NELL2: variants seen among roughly 807,000 people sequenced by gnomAD.
The protein encoded by NELL2 is protein kinase C-binding protein NELL2.
NELL2 carries 41 observed loss-of-function variants against 109.6 expected under a neutral mutation model. That is an observed-to-expected ratio of 0.37 (90% CI 0.29 to 0.49). The LOEUF (loss-of-function observed/expected upper bound fraction) is 0.49. NELL2 is among the 20% of genes least tolerant of loss of function. The pLI is 0.98. For synonymous variants in NELL2, 355 were observed against 344.7 expected, an observed-to-expected ratio of 1.03 and a Z score of -0.33; for missense variants, 900 against 1,008.3, an observed-to-expected ratio of 0.89 and a Z score of 1.45.
intron 3 of NELL2, among the ~76,000 whole-genome samples, chr12:44,801,710 C>A (rs1205498544): frequency 1.3e-5 from 2 of 152,120 alleles, no homozygotes. Flanking sequence ...AGGGAACTGC[C>A]TGACACAGGG....
chr12:44,722,014 G>A (rs144606240), intron 9 of NELL2, among the ~76,000 whole-genome samples: 203 of 152,086 alleles, frequency 1.3e-3, no homozygotes, highest in African/African-American at 4.5e-3. Flanking sequence ...ACAAAGAGGA[G>A]GGAAGAGAGA....
intron 13 of NELL2, among the ~76,000 whole-genome samples, chr12:44,664,192 A>C (rs1204399017): frequency 6.6e-6 from 1 of 152,056 alleles, no homozygotes; most frequent in Admixed American, 6.6e-5. Flanking sequence ...GTCCTACGTC[A>C]AGAAACTCTT....
At chr12:44,638,291 T>C (rs948834237) in intron 13 of NELL2, among the ~76,000 whole-genome samples, 4 of 152,252 alleles carry the variant, frequency 2.6e-5, no homozygotes, top group Non-Finnish European at 4.4e-5. Context: ...TTGAATCTCA[T>C]CTAAAGTCAT....
intron 3 of NELL2, among the ~76,000 whole-genome samples, chr12:44,801,337 C>T (rs1214194667): frequency 1.3e-5 from 2 of 152,002 alleles, no homozygotes; most frequent in African/African-American, 4.8e-5. Context: ...CCAGTTTTTA[C>T]TGTTAGTATA....
intron 9 of NELL2, among the ~76,000 whole-genome samples, chr12:44,736,271 A>C (rs1036317238): frequency 1.3e-5 from 2 of 151,846 alleles, no homozygotes; most frequent in Non-Finnish European, 2.9e-5. Flanking sequence ...GGCCTCCCAA[A>C]GTGCTGGGAT....
At chr12:44,604,220 A>G (rs1447454071) in intron 15 of NELL2, among the ~76,000 whole-genome samples, 1 of 151,944 alleles carries the variant, frequency 6.6e-6, no homozygotes, top group East Asian at 1.9e-4. Flanking sequence ...GGAAGGCAGG[A>G]CAGGAAAGAG....
chr12:44,869,078 C>A (rs1040147844), intron 2 of NELL2, among the ~76,000 whole-genome samples: 5 of 152,104 alleles, frequency 3.3e-5, no homozygotes, highest in African/African-American at 9.7e-5. Flanking sequence ...TCATCCAAAT[C>A]ATCTAAAACA....
intron 13 of NELL2, among the ~76,000 whole-genome samples, chr12:44,629,470 C>T (rs1004686127): frequency 1.3e-5 from 2 of 152,012 alleles, no homozygotes; most frequent in Admixed American, 6.6e-5. Flanking sequence ...AGTAATAAAC[C>T]AGCAGCAAAG....
intron 16 of NELL2, among the ~76,000 whole-genome samples, chr12:44,527,869 G>C (rs758986398): frequency 8.6e-5 from 13 of 151,902 alleles, no homozygotes; most frequent in African/African-American, 1.2e-4. Flanking sequence ...CGAGGCGGAC[G>C]GATCACGAGG....
chr12:44,696,879 T>C (rs901934436), intron 12 of NELL2, among the ~76,000 whole-genome samples: 3 of 152,224 alleles, frequency 2.0e-5, no homozygotes, highest in Non-Finnish European at 4.4e-5. Flanking sequence ...TAGGCACTTA[T>C]AGTTGAGGGA....
intron 9 of NELL2, among the ~76,000 whole-genome samples, chr12:44,734,657 A>G (rs897471377): frequency 6.6e-5 from 10 of 151,960 alleles, no homozygotes; most frequent in African/African-American, 2.2e-4. Flanking sequence ...AATTAAGTTT[A>G]GTCAATAACT....
At chr12:44,587,612 T>C (rs1174090523) in intron 15 of NELL2, among the ~76,000 whole-genome samples, 1 of 152,052 alleles carries the variant, frequency 6.6e-6, no homozygotes, top group Non-Finnish European at 1.5e-5. Flanking sequence ...AGTCCAACTA[T>C]ATGTTTCAAG....
chr12:44,754,113 GAAAGCTATTTT>G (rs144700136), intron 9 of NELL2, among the ~76,000 whole-genome samples: 2,934 of 152,282 alleles, frequency 0.019, 76 homozygotes, highest in African/African-American at 0.056. Flanking sequence ...GAAATATAGG[GAAAGCTATTTT>G]AAAGCTATTT....
chr12:44,864,485 TAA>T (rs1228696227), intron 2 of NELL2, among the ~76,000 whole-genome samples: 2 of 152,088 alleles, frequency 1.3e-5, no homozygotes, highest in African/African-American at 4.8e-5. Flanking sequence ...GTACATTATA[TAA>T]AGAGATAAAT....
chr12:44,736,265 T>A (rs1004793398), intron 9 of NELL2, among the ~76,000 whole-genome samples: 2 of 151,988 alleles, frequency 1.3e-5, no homozygotes, highest in South Asian at 4.1e-4. Context: ...CGTCTCGGCC[T>A]CCCAAAGTGC....
chr12:44,814,269 T>C (rs1943266119), intron 3 of NELL2, among the ~76,000 whole-genome samples: 1 of 152,172 alleles, frequency 6.6e-6, no homozygotes, highest in South Asian at 2.1e-4. Flanking sequence ...GAGTTCTATG[T>C]CTCTACAAAC....
intron 9 of NELL2, among the ~76,000 whole-genome samples, chr12:44,772,177 C>T (rs577119687): frequency 6.6e-6 from 1 of 152,188 alleles, no homozygotes; most frequent in South Asian, 2.1e-4. Context: ...ACTTCTACTC[C>T]ACTAAAATTA....
rs1429837813 is a variant in NELL2, at chr12:44,587,306, TA to T, written c.1663+19862del. ...AAAAATATATATATATATATATATA[TA>T]TTTTTTTTTAAATATGAAGTTATAT... is the stretch of plus-strand genomic sequence containing the variant. On this transcript the variant is annotated intron_variant, in intron 15 of 19. Transcript: ENST00000429094. 4.0e-3 allele frequency among the ~76,000 whole-genome samples: 458 copies of T among 114,812 alleles called. 5 individuals carry two copies. The highest frequency in any genetic ancestry group is 0.017 in the African/African-American group (413 of 24,842). The allele number at this position is 114,812 out of a possible 152,430, so 75.3% of individuals were successfully genotyped here. A position where few individuals can be genotyped will look rare whatever the true frequency, so the allele number is the denominator to read the frequency against.
At chr12:44,807,927 G>A (rs1221912261) in intron 3 of NELL2, among the ~76,000 whole-genome samples, 3 of 152,038 alleles carry the variant, frequency 2.0e-5, no homozygotes, top group Admixed American at 1.3e-4. Context: ...CATAGGGAGC[G>A]AAGAGAGTAG....
Sources: gnomAD v4.1 joint callset for allele counts (sites outside exome capture counted in the v4.1 genomes callset) on GRCh38, gnomAD v4.1.1 for gene constraint, MANE v1.5 for transcripts, NCBI Gene and HGNC (gene_info 2026-07-23, HGNC 2026-07-21) for gene names.